Variants in CTNNA3 observed in about 807,000 individuals in gnomAD.
The protein encoded by CTNNA3 is catenin alpha-3.
CTNNA3 carries 76 observed loss-of-function variants against 95.7 expected under a neutral mutation model. The observed-to-expected ratio is 0.79, with a 90% CI of 0.66 to 0.96. CTNNA3 has a LOEUF of 0.96. Ranked by LOEUF, CTNNA3 falls within the 40% of genes least tolerant of loss-of-function variation. The pLI is 0.00. For synonymous variants in CTNNA3, 431 were observed against 374.4 expected (o/e 1.15, Z -1.74); for missense variants, 1,191 against 1,089.8 (o/e 1.09, Z -1.31).
chr10:67,454,208 CTT>C (rs950233453), intron 5 of CTNNA3, among the ~76,000 whole-genome samples: 17 of 152,116 alleles, frequency 1.1e-4, no homozygotes, highest in Admixed American at 7.2e-4. Context: ...AATACAACAT[CTT>C]TTAAATTTGA....
intron 15 of CTNNA3, among the ~76,000 whole-genome samples, chr10:66,007,006 T>C (rs1401232546): frequency 6.6e-6 from 1 of 152,098 alleles, no homozygotes; most frequent in Admixed American, 6.5e-5. Flanking sequence ...TGGCAGCTGA[T>C]CTTTGGCATG....
chr10:67,756,202 G>T (rs900220854), intron 1 of CTNNA3, among the ~76,000 whole-genome samples: 1 of 152,102 alleles, frequency 6.6e-6, no homozygotes, highest in Non-Finnish European at 1.5e-5. Context: ...TGATTAACGG[G>T]TACATATTTA....
intron 7 of CTNNA3, among the ~76,000 whole-genome samples, chr10:67,003,019 GA>G (rs1237760570): frequency 6.6e-6 from 1 of 152,058 alleles, no homozygotes; most frequent in Non-Finnish European, 1.5e-5. Context: ...CGGTAATTAT[GA>G]TACTATTTAT....
intron 7 of CTNNA3, among the ~76,000 whole-genome samples, chr10:66,953,738 A>C (rs750886089): frequency 1.8e-4 from 28 of 152,176 alleles, no homozygotes; most frequent in Admixed American, 4.6e-4. Flanking sequence ...GTTTTATGAC[A>C]TGCTGACACT....
chr10:66,404,979 G>A (rs1320390691), intron 11 of CTNNA3, among the ~76,000 whole-genome samples: 2 of 152,298 alleles, frequency 1.3e-5, no homozygotes, highest in East Asian at 3.9e-4. Context: ...AAGCCAGGGC[G>A]AGTTTGGTGG....
At chr10:67,233,023 G>T (rs1022200593) in intron 5 of CTNNA3, among the ~76,000 whole-genome samples, 3 of 152,168 alleles carry the variant, frequency 2.0e-5, no homozygotes, top group Non-Finnish European at 4.4e-5. Flanking sequence ...AGTCCTGAGT[G>T]ACCTACAAAG....
intron 5 of CTNNA3, among the ~76,000 whole-genome samples, chr10:67,259,573 G>C (rs7096017): frequency 0.22 from 33,264 of 152,084 alleles, 6,568 homozygotes; most frequent in African/African-American, 0.53. Flanking sequence ...TTGGAAAGAT[G>C]ATAATAAGAT....
chr10:66,416,457 G>A (rs6480165), intron 11 of CTNNA3, among the ~76,000 whole-genome samples: 52,462 of 151,632 alleles, frequency 0.35, 9,792 homozygotes, highest in African/African-American at 0.48. Context: ...AGTCCCAGCA[G>A]TCACCAAACA....
At chr10:66,715,534 T>C (rs1471726932) in intron 9 of CTNNA3, among the ~76,000 whole-genome samples, 1 of 152,220 alleles carries the variant, frequency 6.6e-6, no homozygotes, top group Non-Finnish European at 1.5e-5. Flanking sequence ...ATAAAATATG[T>C]TCTATCATTG....
chr10:67,306,786 T>TA (rs1840569745), intron 5 of CTNNA3, among the ~76,000 whole-genome samples: 3 of 151,626 alleles, frequency 2.0e-5, no homozygotes, highest in African/African-American at 7.3e-5. Flanking sequence ...GTGGATTTTT[T>TA]TAAAAAAAAA....
intron 5 of CTNNA3, among the ~76,000 whole-genome samples, chr10:67,444,772 T>C (rs1002966650): frequency 2.0e-5 from 3 of 152,066 alleles, no homozygotes; most frequent in Non-Finnish European, 4.4e-5. Context: ...TGAGCAACTA[T>C]ATGCCAACAA....
chr10:66,988,289 GT>G (rs1850848239), intron 7 of CTNNA3, among the ~76,000 whole-genome samples: 1 of 152,096 alleles, frequency 6.6e-6, no homozygotes, highest in African/African-American at 2.4e-5. Context: ...TTATATTCAA[GT>G]TTTCTGTTTG....
chr10:65,975,358 G>C (rs928033266), intron 16 of CTNNA3, among the ~76,000 whole-genome samples: 1 of 151,930 alleles, frequency 6.6e-6, no homozygotes, highest in Non-Finnish European at 1.5e-5. Context: ...TTAAGAAGAA[G>C]ATTGGAAAGG....
Position 67,750,232 on chromosome 10 carries a change from C to G in CTNNA3, c.-2+13202G>C, listed in dbSNP as rs1564846117. The G allele has an allele frequency of 3.4e-6, 5 of 1,468,684 alleles. No homozygotes were observed. In the East Asian group the frequency reaches 1.1e-4, roughly 33 times the overall value. The allele number at this position is 1,468,684 out of a possible 1,614,324, so 91.0% of individuals were successfully genotyped here. On this transcript the variant is annotated intron_variant, in intron 1 of 17. Transcript: ENST00000684154. ...CACTGGAAGGAACCAACTCTGGACA[C>G]AGCAGGACGTGAGACTTCTAGTGCT...
At chr10:67,017,195 C>A (rs543371434) in intron 7 of CTNNA3, among the ~76,000 whole-genome samples, 1 of 152,248 alleles carries the variant, frequency 6.6e-6, no homozygotes, top group East Asian at 1.9e-4. Flanking sequence ...AAAGTGTTTT[C>A]AGGTCCATTT....
chr10:66,401,549 A>ACACACACACACG (rs1312471407), intron 11 of CTNNA3, among the ~76,000 whole-genome samples: 8 of 150,256 alleles, frequency 5.3e-5, no homozygotes, highest in Admixed American at 2.7e-4. Flanking sequence ...ACACACACAC[A>ACACACACACACG]CACACACACA....
At chr10:66,216,121 T>C (rs372457616) in intron 13 of CTNNA3, among the ~76,000 whole-genome samples, 5 of 152,248 alleles carry the variant, frequency 3.3e-5, no homozygotes, top group African/African-American at 1.2e-4. Context: ...ACCTTGTCTG[T>C]TGTTAGGGTA....
chr10:66,891,561 A>G (rs892119573), intron 7 of CTNNA3, among the ~76,000 whole-genome samples: 1 of 152,148 alleles, frequency 6.6e-6, no homozygotes, highest in Non-Finnish European at 1.5e-5. Context: ...AAAACTAGCC[A>G]TTTCCCTTGT....
intron 7 of CTNNA3, among the ~76,000 whole-genome samples, chr10:67,035,507 G>A (rs1317002562): frequency 6.6e-6 from 1 of 152,046 alleles, no homozygotes; most frequent in African/African-American, 2.4e-5. Flanking sequence ...AAGAATATAG[G>A]AGAAAGTTTA....
Sources: gnomAD v4.1 joint callset for allele counts (sites outside exome capture counted in the v4.1 genomes callset) on GRCh38, gnomAD v4.1.1 for gene constraint, MANE v1.5 for transcripts, NCBI Gene and HGNC (gene_info 2026-07-23, HGNC 2026-07-21) for gene names.